EIF2S3: variants seen among roughly 807,000 people sequenced by gnomAD.
The protein encoded by EIF2S3 is eukaryotic translation initiation factor 2 subunit gamma.
Under a neutral mutation model 31.7 loss-of-function variants are expected in EIF2S3, and 2 were observed. The ratio of observed to expected loss-of-function variants is 0.06; its 90% CI spans 0.03 to 0.20. The LOEUF is 0.20. EIF2S3 is among the 10% of genes least tolerant of loss of function. The pLI is 1.00. For synonymous variants in EIF2S3, 120 were observed against 126.7 expected (o/e 0.95, Z 0.36); for missense variants, 96 against 359.3 (o/e 0.27, Z 5.92).
intron 6 of EIF2S3, 21 bp from the exon 7 acceptor site, chrX:24,064,180 T>G: frequency 8.9e-7 from 1 of 1,117,472 alleles, no homozygotes; most frequent in Non-Finnish European, 1.2e-6. Context: ...AATTTTGATC[T>G]TTCTAAATTT....
chrX:24,067,553 C>T (rs1364137601), intron 8 of EIF2S3, among the ~76,000 whole-genome samples: 1 of 90,457 alleles, frequency 1.1e-5, no homozygotes, highest in Non-Finnish European at 2.2e-5. Flanking sequence ...ATTGCCTTTT[C>T]AGTTTTATGG....
intron 7 of EIF2S3, among the ~76,000 whole-genome samples, chrX:24,065,605 GA>G (rs1262311555): frequency 1.8e-5 from 2 of 109,626 alleles, no homozygotes; most frequent in African/African-American, 3.3e-5. Context: ...ATGATAGAGG[GA>G]AAAAAAAATC....
At chrX:24,055,354 T>A (rs1930385213) in intron 1 of EIF2S3, among the ~76,000 whole-genome samples, 1 of 111,569 alleles carries the variant, frequency 9.0e-6, no homozygotes, top group South Asian at 3.7e-4. Context: ...CTTTTAGTGC[T>A]AATGTTCCCA....
chrX:24,076,549 G>A (rs1930755883), intron 11 of EIF2S3, among the ~76,000 whole-genome samples, 173 bp from the exon 12 acceptor site: 1 of 111,770 alleles, frequency 8.9e-6, no homozygotes, highest in South Asian at 3.7e-4. Flanking sequence ...ACACACAAAA[G>A]CAAGAATAAA....
chrX:24,064,473 T>C (rs1340631621), intron 7 of EIF2S3, 138 bp downstream of exon 7: 3 of 811,382 alleles, frequency 3.7e-6, no homozygotes, highest in Non-Finnish European at 5.1e-6. Flanking sequence ...AATTCTGAGA[T>C]TGTATTGGCA....
At chrX:24,069,747 G>A (rs1345130321) in intron 9 of EIF2S3, among the ~76,000 whole-genome samples, 1 of 89,536 alleles carries the variant, frequency 1.1e-5, no homozygotes, top group Non-Finnish European at 2.1e-5. Flanking sequence ...CTGGAGTGCA[G>A]TAGTATTATC....
chrX:24,075,781 G>T (rs1441691744), intron 11 of EIF2S3, among the ~76,000 whole-genome samples: 2 of 111,073 alleles, frequency 1.8e-5, no homozygotes, highest in Non-Finnish European at 3.8e-5. Context: ...CTGTTGACCA[G>T]GCTGGAGTTT....
intron 11 of EIF2S3, among the ~76,000 whole-genome samples, chrX:24,074,262 A>G (rs918274847): frequency 8.9e-6 from 1 of 112,159 alleles, no homozygotes; most frequent in Non-Finnish European, 1.9e-5. Flanking sequence ...ATATTCCTCA[A>G]TTTGGGTTTT....
chrX:24,057,343 T>G, intron 2 of EIF2S3, 78 bp from the exon 3 acceptor site: 3 of 1,123,275 alleles, frequency 2.7e-6, no homozygotes, highest in Non-Finnish European at 3.5e-6. Context: ...TTGGGTTTTC[T>G]ACTCTTAACA....
intron 2 of EIF2S3, among the ~76,000 whole-genome samples, chrX:24,056,837 C>T (rs994998681): frequency 8.9e-6 from 1 of 111,764 alleles, no homozygotes; most frequent in Admixed American, 9.6e-5. Context: ...CCAGCCTGGG[C>T]AGCAGCAGGA....
At chrX:24,059,781 G>A (rs1306511299) in intron 4 of EIF2S3, among the ~76,000 whole-genome samples, 1 of 111,756 alleles carries the variant, frequency 8.9e-6, no homozygotes, top group African/African-American at 3.3e-5. Flanking sequence ...GTCATTATAA[G>A]TTTTAGCTTT....
At chrX:24,075,644 G>A (rs1234958797) in intron 11 of EIF2S3, among the ~76,000 whole-genome samples, 1 of 111,486 alleles carries the variant, frequency 9.0e-6, no homozygotes, top group Non-Finnish European at 1.9e-5. Context: ...CTTCTGCATT[G>A]TCTTATATAA....
At chrX:24,057,278 C>T (rs1930418682) in intron 2 of EIF2S3, 143 bp from the exon 3 acceptor site, 5 of 704,129 alleles carry the variant, frequency 7.1e-6, no homozygotes, top group Non-Finnish European at 1.0e-5. Context: ...ATCCACCCAC[C>T]TCGGCCTCCC....
At chrX:24,065,855 T>C in intron 7 of EIF2S3, 143 bp from the exon 8 acceptor site, 1 of 468,209 alleles carries the variant, frequency 2.1e-6, no homozygotes, top group South Asian at 4.3e-5. Flanking sequence ...GCTTAATCAT[T>C]GGAATAATAA....
intron 7 of EIF2S3, among the ~76,000 whole-genome samples, chrX:24,065,738 T>C (rs1930562346): frequency 1.8e-5 from 2 of 112,298 alleles, no homozygotes; most frequent in African/African-American, 6.5e-5. Flanking sequence ...TACATATAGC[T>C]CTAACATTGT....
intron 5 of EIF2S3, among the ~76,000 whole-genome samples, chrX:24,061,726 G>A (rs910201532): frequency 9.0e-6 from 1 of 111,243 alleles, no homozygotes; most frequent in African/African-American, 3.3e-5. Flanking sequence ...CCCTCCCTCA[G>A]TTGAAGAGTA....
At chrX:24,061,291 T>G (rs181551083) in intron 5 of EIF2S3, among the ~76,000 whole-genome samples, 1,857 of 99,609 alleles carry the variant, frequency 0.019, 49 homozygotes, top group African/African-American at 0.066. Flanking sequence ...GTGCGGTGGC[T>G]CACACCTGTA....
chrX:24,058,063 A>G (rs948936547), intron 4 of EIF2S3, among the ~76,000 whole-genome samples: 2 of 112,478 alleles, frequency 1.8e-5, no homozygotes, highest in African/African-American at 6.4e-5. Flanking sequence ...TGTATGTTAA[A>G]TAGGAGAGAA....
intron 2 of EIF2S3, among the ~76,000 whole-genome samples, chrX:24,056,947 G>A (rs779221189): frequency 2.6e-4 from 29 of 112,646 alleles, no homozygotes; most frequent in Non-Finnish European, 4.9e-4. Flanking sequence ...GTAGGAAGGG[G>A]TATGGAGGAG....
Sources: allele counts gnomAD v4.1 joint callset (sites outside exome capture counted in the v4.1 genomes callset), GRCh38; gene constraint gnomAD v4.1.1; transcripts MANE v1.5; gene names NCBI Gene and HGNC (gene_info 2026-07-23, HGNC 2026-07-21).